Variants in KCNN1 observed in about 807,000 individuals in gnomAD.
KCNN1 encodes the protein potassium calcium-activated channel subfamily N member 1, also known as small conductance calcium-activated potassium channel protein 1.
In KCNN1, 20 loss-of-function variants were observed where a neutral mutation model predicts 44.7. That is an observed-to-expected ratio of 0.45 (90% CI 0.32 to 0.65). KCNN1 has a LOEUF of 0.65. KCNN1 is among the 30% of genes least tolerant of loss of function. The pLI, the probability that KCNN1 is intolerant of heterozygous loss-of-function variation, is 0.05. For synonymous variants in KCNN1, 324 were observed against 341.7 expected, an observed-to-expected ratio of 0.95 and a Z score of 0.57; for missense variants, 632 against 785.3, an observed-to-expected ratio of 0.80 and a Z score of 2.33.
chr19:17,978,899 T>A (rs1255634370), intron 3 of KCNN1, among the ~76,000 whole-genome samples: 2 of 150,648 alleles, frequency 1.3e-5, no homozygotes, highest in African/African-American at 2.4e-5. Context: ...TACACAAAAA[T>A]TTTTTAAACA....
In KCNN1 at chr19:17,982,092, G is replaced by A; in HGVS notation, c.882G>A (p.Trp294Ter). The change falls in exon 4 of 10, where the codon TGG becomes TGA. Residue 294 changes from tryptophan to a stop codon, truncating the protein, a stop_gained. Transcript: ENST00000684775. LOFTEE classifies it high-confidence loss of function. ...TVLLVFSISS[W>*]IIAAWTVRVC... Reference sequence around the variant, plus strand: ...TGCTGGTCTTCAGCATCTCCTCCTGGATCATCGCAGCCTGGACCGTGCGCG... The same window carrying A: ...TGCTGGTCTTCAGCATCTCCTCCTGAATCATCGCAGCCTGGACCGTGCGCG... 6.2e-7 allele frequency: 1 copy of A among 1,602,566 alleles called. No homozygotes were observed. The highest frequency in any genetic ancestry group is 8.5e-7 in the Non-Finnish European group (1 of 1,175,950).
At chr19:17,967,434 G>A in intron 1 of KCNN1, 117 bp downstream of exon 1, 3 of 401,910 alleles carry the variant, frequency 7.5e-6, no homozygotes, top group Non-Finnish European at 1.0e-5. Context: ...CAAGAGGGAG[G>A]GTCTCCGTGC....
In KCNN1 at chr19:17,976,303, G is replaced by A. The variant is rs184231683; in HGVS notation, c.498+1116G>A. Among the ~76,000 whole-genome samples the A allele has an allele frequency of 1.3e-3, 198 of 151,840 alleles. 1 individual carries two copies. The highest frequency in any genetic ancestry group is 5.3e-3 in the Admixed American group (81 of 15,244). On this transcript the variant is annotated intron_variant, in intron 3 of 9. Transcript: ENST00000684775. ...AGCCTGGGCAACAGAGCAAGACTCC[G>A]TCTCAAAAAAACAAAAATACAAAGT...
Position 17,981,661 on chromosome 19 carries a change from G to A in KCNN1, c.499-48G>A, listed in dbSNP as rs373507922. On this transcript the variant is annotated intron_variant, in intron 3 of 9. Coordinates refer to ENST00000684775, the MANE Select transcript of KCNN1 (RefSeq NM_001386974.1). ...GGCGCGGTGGGGCTGGGCAGGGAGCGCGGCGCGTGTCTGACACCCATGGCT... is the reference window on the plus strand; with the variant it reads ...GGCGCGGTGGGGCTGGGCAGGGAGCACGGCGCGTGTCTGACACCCATGGCT... 5.7e-4 allele frequency: 869 copies of A among 1,512,878 alleles called. 7 individuals carry two copies. In the Admixed American group the frequency reaches 0.013, roughly 23 times the overall value. 93.7% of individuals were successfully genotyped at this position (1,512,878 alleles called of 1,614,324 possible).
chr19:17,964,834 AAGG>A (rs1179754761), upstream of KCNN1, among the ~76,000 whole-genome samples: 3 of 152,152 alleles, frequency 2.0e-5, no homozygotes, highest in Admixed American at 6.5e-5. This position sits in a 1 kb window ranked among gnomAD's most constrained non-coding sequence, Gnocchi z 4.3. Context: ...GGTGAATGCA[AAGG>A]AGAACAAGCA....
chr19:17,970,888 T>TC (rs1268125328), intron 1 of KCNN1, among the ~76,000 whole-genome samples: 1 of 144,656 alleles, frequency 6.9e-6, no homozygotes, highest in East Asian at 2.0e-4. Context: ...TGTAGCTCAT[T>TC]TTTTTTTTTT....
intron 1 of KCNN1, among the ~76,000 whole-genome samples, chr19:17,952,933 C>G (rs2031451365): frequency 6.6e-6 from 1 of 152,196 alleles, no homozygotes; most frequent in African/African-American, 2.4e-5. Context: ...TGGGGCAGAG[C>G]AGGTTTCTGG....
chr19:17,991,188 C>T (rs550705576), intron 7 of KCNN1, among the ~76,000 whole-genome samples: 54 of 151,940 alleles, frequency 3.6e-4, no homozygotes, highest in African/African-American at 1.3e-3. Context: ...TGGTGACTCA[C>T]ACCTCGTAAT....
At chr19:17,963,315 C>CTTT (rs111446729), upstream of KCNN1, among the ~76,000 whole-genome samples, 2 of 133,840 alleles carry the variant, frequency 1.5e-5, no homozygotes, top group Non-Finnish European at 1.6e-5. Context: ...ACCCGGCCAC[C>CTTT]TTTTTTTTTT....
intron 5 of KCNN1, among the ~76,000 whole-genome samples, chr19:17,985,890 T>C (rs1363869608): frequency 6.6e-6 from 1 of 152,230 alleles, no homozygotes; most frequent in East Asian, 1.9e-4. Flanking sequence ...AAGTCGGTTA[T>C]TTATGTGAGA....
intron 6 of KCNN1, among the ~76,000 whole-genome samples, chr19:17,988,801 C>T (rs1284584453): frequency 1.3e-5 from 2 of 151,914 alleles, no homozygotes; most frequent in African/African-American, 4.8e-5. Flanking sequence ...GTCCCATCCA[C>T]TTGGGAGTCT....
At chr19:17,985,130 G>T (rs2145954370) in intron 4 of KCNN1, among the ~76,000 whole-genome samples, 182 bp from the exon 5 acceptor site, 1 of 152,260 alleles carries the variant, frequency 6.6e-6, no homozygotes. Flanking sequence ...GGCAGGCAAA[G>T]GGAATGTGGA....
At chr19:17,958,375 G>T (rs1005391022) in intron 2 of KCNN1, among the ~76,000 whole-genome samples, 10 of 152,190 alleles carry the variant, frequency 6.6e-5, no homozygotes, top group African/African-American at 2.4e-4. Flanking sequence ...CTACTCAGGA[G>T]GCTGAGGTGG....
intron 7 of KCNN1, among the ~76,000 whole-genome samples, chr19:17,990,291 C>T (rs1213265252): frequency 6.6e-6 from 1 of 150,902 alleles, no homozygotes; most frequent in Non-Finnish European, 1.5e-5. Context: ...TCAACACCAT[C>T]CGTGGCAATA....
intron 3 of KCNN1, among the ~76,000 whole-genome samples, chr19:17,979,407 T>C (rs1368937479): frequency 8.8e-6 from 1 of 113,722 alleles, no homozygotes; most frequent in African/African-American, 3.5e-5. Flanking sequence ...CACTCCAGCC[T>C]GGGCAATGGA....
Position 17,998,114 on chromosome 19 carries a change from A to T in KCNN1, c.1378-38A>T, listed in dbSNP as rs936532941. The T allele has an allele frequency of 6.5e-7, 1 of 1,533,720 alleles. No individual in the cohort carries two copies. The highest frequency in any genetic ancestry group is 8.8e-7 in the Non-Finnish European group (1 of 1,141,110). On this transcript the variant is annotated intron_variant, in intron 9 of 9. Transcript: ENST00000684775. This position sits in a 1 kb window ranked among gnomAD's most constrained non-coding sequence, Gnocchi z 5.4. Reference sequence around the variant, plus strand: ...GGTATCGTCCTTTCCTCTCTCACTCAGCGGCGCCTCTCTCCTGCCCCTCTC... The same window carrying T: ...GGTATCGTCCTTTCCTCTCTCACTCTGCGGCGCCTCTCTCCTGCCCCTCTC...
At chr19:17,975,263 C>G in intron 3 of KCNN1, 76 bp downstream of exon 3, 1 of 1,026,954 alleles carries the variant, frequency 9.7e-7, no homozygotes, top group Non-Finnish European at 1.5e-6. Flanking sequence ...ACCTTAGACC[C>G]CATCCCCTCA....
rs189073681 is a variant in KCNN1, at chr19:17,976,073, T to C, written c.498+886T>C. Among the ~76,000 whole-genome samples, 17 of 152,192 alleles carry C rather than the reference T, an allele frequency of 1.1e-4. No individual in the cohort carries two copies. The East Asian group carries it at 3.1e-3, about 28-fold the overall frequency. On this transcript the variant is annotated intron_variant, in intron 3 of 9. Coordinates refer to ENST00000684775, the MANE Select transcript of KCNN1 (RefSeq NM_001386974.1). ...AATCACACCTGTGATCCCAGCACTTTGGGAGGCCAAGGCGGGTGGATCACT... is the reference window on the plus strand; with the variant it reads ...AATCACACCTGTGATCCCAGCACTTCGGGAGGCCAAGGCGGGTGGATCACT...
At chr19:17,980,763 C>G (rs1360364114) in intron 3 of KCNN1, among the ~76,000 whole-genome samples, 1 of 151,644 alleles carries the variant, frequency 6.6e-6, no homozygotes, top group Non-Finnish European at 1.5e-5. Flanking sequence ...ATTAGCCAGG[C>G]ATGGTGTTGC....
Sources: gnomAD v4.1 joint callset for allele counts (sites outside exome capture counted in the v4.1 genomes callset) on GRCh38, gnomAD v4.1.1 for gene constraint, Gnocchi (gnomAD v3.1) non-coding constraint, MANE v1.5 for transcripts, NCBI Gene and HGNC (gene_info 2026-07-23, HGNC 2026-07-21) for gene names.